Variants in HDAC4 observed in about 807,000 individuals in gnomAD.
The protein encoded by HDAC4 is histone deacetylase 4.
HDAC4 carries 16 observed loss-of-function variants against 135.1 expected under a neutral mutation model. The ratio of observed to expected loss-of-function variants is 0.12; its 90% confidence interval spans 0.08 to 0.18. The LOEUF (loss-of-function observed/expected upper bound fraction) is 0.18, where lower values mean the gene tolerates loss of function less well. Ranked by LOEUF, HDAC4 falls within the 10% of genes least tolerant of loss-of-function variation. The pLI is 1.00. For missense variants in HDAC4, 1,143 were observed against 1,511.8 expected, an observed-to-expected ratio of 0.76 and a Z score of 4.05; for synonymous variants, 685 against 653.4, an observed-to-expected ratio of 1.05 and a Z score of -0.74.
In HDAC4 at chr2:239,353,848, G is replaced by A. The variant is rs78097441; in HGVS notation, c.-219-930C>T. Among the ~76,000 whole-genome samples the A allele has an allele frequency of 1.9e-3, 284 of 152,264 alleles. 1 individual carries two copies. The highest frequency in any genetic ancestry group is 6.2e-3 in the African/African-American group (259 of 41,556). On this transcript the variant is annotated intron_variant, in intron 1 of 26. Coordinates refer to ENST00000543185, the MANE Select transcript of HDAC4 (RefSeq NM_001378414.1). ...CCACCACAAAATGTCATTACTGCAC[G>A]CTTGCATCAGCCTGGATCCATAGAC...
In HDAC4 at chr2:239,156,659, C is replaced by T. The variant is rs2042442734; in HGVS notation, c.726G>A (p.Arg242=). The part of the protein sequence containing the change: ...MYDAKDDFPL[R]KTASEPNLKL... ...GCATGCCTGGGCACTGACCTGTTTTCCTAAGAGGGAAGTCATCTTTGGCGT... is the reference window on the plus strand; with the variant it reads ...GCATGCCTGGGCACTGACCTGTTTTTCTAAGAGGGAAGTCATCTTTGGCGT... The change falls in exon 7 of 27, where the codon AGG becomes AGA. Residue 242 remains arginine, a synonymous_variant. Coordinates refer to ENST00000543185, the MANE Select transcript of HDAC4 (RefSeq NM_001378414.1). The T allele has an allele frequency of 6.2e-7, 1 of 1,614,056 alleles. No individual in the cohort carries two copies. Among genetic ancestry groups the T allele is most frequent in the Non-Finnish European group, 8.5e-7 (1 of 1,179,986 alleles).
At chr2:239,283,583 T>C (rs896342361) in intron 2 of HDAC4, among the ~76,000 whole-genome samples, 4 of 152,266 alleles carry the variant, frequency 2.6e-5, no homozygotes, top group African/African-American at 2.4e-5. Context: ...AAGAGAGCAC[T>C]GCAGTACAGA....
At chr2:239,110,867 C>G (rs945634995) in intron 14 of HDAC4, among the ~76,000 whole-genome samples, 1 of 152,242 alleles carries the variant, frequency 6.6e-6, no homozygotes, top group African/African-American at 2.4e-5. Context: ...GTCTCCTCCC[C>G]GGCTCTGGCT....
intron 15 of HDAC4, among the ~76,000 whole-genome samples, chr2:239,103,969 T>C (rs1468595506): frequency 6.6e-6 from 1 of 152,220 alleles, no homozygotes; most frequent in Non-Finnish European, 1.5e-5. Context: ...ACGGATGCTC[T>C]GCGGGTTCTC....
At chr2:239,311,230 C>T (rs1387767236) in intron 2 of HDAC4, among the ~76,000 whole-genome samples, 2 of 152,288 alleles carry the variant, frequency 1.3e-5, no homozygotes, top group East Asian at 3.9e-4. Flanking sequence ...CGGCCTGGCC[C>T]CTTCCGAGCT....
intron 3 of HDAC4, among the ~76,000 whole-genome samples, chr2:239,194,889 C>T (rs1333989694): frequency 3.9e-5 from 6 of 152,212 alleles, no homozygotes; most frequent in Admixed American, 6.5e-5. Flanking sequence ...GGCGCTGATC[C>T]GCCCCTGGCA....
chr2:239,230,104 C>T (rs372682338), intron 3 of HDAC4, among the ~76,000 whole-genome samples: 190 of 152,130 alleles, frequency 1.2e-3, no homozygotes, highest in African/African-American at 4.3e-3. Flanking sequence ...GTCGTGAGAT[C>T]GCTGTTTTGA....
rs868676793 is a variant in HDAC4 at position 239,081,104 on chromosome 2, G to T, written c.2741C>A (p.Ala914Glu). 1.2e-6 allele frequency: 2 copies of T among 1,613,122 alleles called. No homozygotes were observed. The highest frequency in any genetic ancestry group is 2.7e-5 in the African/African-American group (2 of 74,932). ...DPPMGDAEYL[A>E]AFRTVVMPIA... ...AAGCCGGGAGGCTCACCTGAAGGCC[G>T]CCAAGTACTCAGCGTCTCCCATGGG... Residue 914 changes from alanine to glutamate, a missense_variant, in exon 22 of 27, where the codon GCG becomes GAG. This residue lies in a region of HDAC4 where 189 missense variants were observed against 317.6 expected (regional missense o/e 0.60). Transcript: ENST00000543185.
At position 239,300,911 on chromosome 2, in the gene HDAC4, C is replaced by T. The variant is rs1423028713; in HGVS notation, c.22+51767G>A. Among the ~76,000 whole-genome samples the T allele has an allele frequency of 2.6e-5, 4 of 152,246 alleles. No individual in the cohort carries two copies. In the South Asian group the frequency reaches 6.2e-4, roughly 24 times the overall value. On this transcript the variant is annotated intron_variant, in intron 2 of 26. Coordinates refer to ENST00000543185, the MANE Select transcript of HDAC4 (RefSeq NM_001378414.1). ...TGCCAGGAAGGGCTGCAGAGAGGAACGTCTTCGGGGTCCATGTGGGACCCC... is the reference window on the plus strand; with the variant it reads ...TGCCAGGAAGGGCTGCAGAGAGGAATGTCTTCGGGGTCCATGTGGGACCCC...
intron 2 of HDAC4, among the ~76,000 whole-genome samples, chr2:239,295,350 T>C (rs1575635765): frequency 7.2e-6 from 1 of 138,906 alleles, no homozygotes; most frequent in Admixed American, 7.3e-5. Context: ...TATAGTAAAC[T>C]GGCAAGGGTG....
chr2:239,170,461 T>A (rs897124287), intron 5 of HDAC4, among the ~76,000 whole-genome samples: 1 of 152,188 alleles, frequency 6.6e-6, no homozygotes, highest in Non-Finnish European at 1.5e-5. Context: ...AAAAGCAAAA[T>A]GCCAATTTCA....
At chr2:239,388,713 C>A (rs1290602241) in intron 1 of HDAC4, among the ~76,000 whole-genome samples, 2 of 152,244 alleles carry the variant, frequency 1.3e-5, no homozygotes, top group African/African-American at 4.8e-5. Flanking sequence ...GACTCTGCCA[C>A]ACAGGCTCCT....
At position 239,303,425 on chromosome 2, in the gene HDAC4, G is replaced by A. The variant is rs772859985; in HGVS notation, c.22+49253C>T. ...CTGCAGTCGCCACCGAGCACTCGTGGTGTGGCCCACAGGGCATCCTGCGAG... is the reference window on the plus strand; with the variant it reads ...CTGCAGTCGCCACCGAGCACTCGTGATGTGGCCCACAGGGCATCCTGCGAG... On this transcript the variant is annotated intron_variant, in intron 2 of 26. Coordinates refer to ENST00000543185, the MANE Select transcript of HDAC4 (RefSeq NM_001378414.1). This position sits in a 1 kb window ranked among gnomAD's most constrained non-coding sequence, Gnocchi z 5.1. Among the ~76,000 whole-genome samples, 1 of 152,126 alleles carries A rather than the reference G, an allele frequency of 6.6e-6. No homozygotes were observed. The highest frequency in any genetic ancestry group is 2.4e-5 in the African/African-American group (1 of 41,434).
At chr2:239,095,836 G>A (rs1195094561) in intron 16 of HDAC4, among the ~76,000 whole-genome samples, 1 of 152,170 alleles carries the variant, frequency 6.6e-6, no homozygotes, top group Non-Finnish European at 1.5e-5. Flanking sequence ...ACTAACCAGG[G>A]GCGGGACCTA....
intron 1 of HDAC4, among the ~76,000 whole-genome samples, chr2:239,369,616 C>G (rs1351549569): frequency 6.6e-6 from 1 of 152,188 alleles, no homozygotes; most frequent in Non-Finnish European, 1.5e-5. Context: ...AGAGACGGGT[C>G]AAGCCCTGCT....
intron 13 of HDAC4, among the ~76,000 whole-genome samples, chr2:239,113,559 T>C (rs2038869297): frequency 6.6e-6 from 1 of 152,240 alleles, no homozygotes; most frequent in South Asian, 2.1e-4. Context: ...AGAAAATAAG[T>C]GTTTCTAATA....
chr2:239,349,728 C>G lies in HDAC4; in HGVS notation c.22+2950G>C, dbSNP rs945316815. Among the ~76,000 whole-genome samples the G allele has an allele frequency of 6.6e-6, 1 of 152,192 alleles. No homozygotes were observed. The highest frequency in any genetic ancestry group is 2.1e-4 in the South Asian group (1 of 4,832). On this transcript the variant is annotated intron_variant, in intron 2 of 26. Transcript: ENST00000543185. This position sits in a 1 kb window ranked among gnomAD's most constrained non-coding sequence, Gnocchi z 5.7. ...TCCTGCCTCCCAAGGGACCTCCGGG[C>G]GGAAGGGCAGACACGGCAGGGAAAG...
At chr2:239,123,065 A>T (rs1196140949) in intron 12 of HDAC4, among the ~76,000 whole-genome samples, 1 of 152,238 alleles carries the variant, frequency 6.6e-6, no homozygotes, top group Non-Finnish European at 1.5e-5. Context: ...TCACTCCCGT[A>T]AATCAATCAG....
chr2:239,116,611 C>T (rs1225794131), intron 12 of HDAC4, among the ~76,000 whole-genome samples: 2 of 152,232 alleles, frequency 1.3e-5, no homozygotes, highest in African/African-American at 4.8e-5. Context: ...CTTCATGTAG[C>T]AGTGAGGGCA....
Sources: gnomAD v4.1 joint callset for allele counts (sites outside exome capture counted in the v4.1 genomes callset) on GRCh38, gnomAD v4.1.1 for gene constraint, gnomAD v4.1.1 regional missense constraint, Gnocchi (gnomAD v3.1) non-coding constraint, MANE v1.5 for transcripts, NCBI Gene and HGNC (gene_info 2026-07-23, HGNC 2026-07-21) for gene names.